RASSF3: variants seen among roughly 807,000 people sequenced by gnomAD.
RASSF3 encodes the protein ras association domain-containing protein 3.
In RASSF3, 19 loss-of-function variants were observed where a neutral mutation model predicts 19.9. The observed-to-expected ratio is 0.96, with a 90% CI of 0.67 to 1.40. The LOEUF (loss-of-function observed/expected upper bound fraction) is 1.40, where lower values mean the gene tolerates loss of function less well. RASSF3 is among the 40% of genes most tolerant of loss of function. RASSF3 has a pLI of 0.00. For missense variants in RASSF3, 306 were observed against 289.8 expected, an observed-to-expected ratio of 1.06 and a Z score of -0.41; for synonymous variants, 110 against 104.2, an observed-to-expected ratio of 1.06 and a Z score of -0.34.
chr12:64,650,707 G>A (rs1161097927), intron 1 of RASSF3, among the ~76,000 whole-genome samples: 1 of 152,014 alleles, frequency 6.6e-6, no homozygotes, highest in Admixed American at 6.6e-5. Context: ...GAGCCACCGC[G>A]CCTGGCCGAG....
At chr12:64,675,741 G>A (rs146588213) in intron 1 of RASSF3, among the ~76,000 whole-genome samples, 246 of 152,214 alleles carry the variant, frequency 1.6e-3, no homozygotes, top group African/African-American at 5.7e-3. Context: ...AGGGGATGGG[G>A]AGAGGCTGTT....
At chr12:64,667,485 C>T (rs1245185) in intron 1 of RASSF3, among the ~76,000 whole-genome samples, 43,453 of 152,094 alleles carry the variant, frequency 0.29, 6,754 homozygotes, top group Non-Finnish European at 0.36. Context: ...AGCCACTGCG[C>T]CCGGCCTATT....
chr12:64,617,073 C>G (rs1870578327), intron 1 of RASSF3, among the ~76,000 whole-genome samples: 1 of 152,150 alleles, frequency 6.6e-6, no homozygotes, highest in Non-Finnish European at 1.5e-5. Flanking sequence ...CAAATGAAAG[C>G]CTGCTCATTT....
chr12:64,642,559 CAAAAAAAAAAAAAA>C (rs67771603), intron 1 of RASSF3, among the ~76,000 whole-genome samples: 6 of 43,992 alleles, frequency 1.4e-4, no homozygotes, highest in South Asian at 2.8e-3. Context: ...GACTCCATCT[CAAAAAAAAAAAAAA>C]AAAAAAAAAA....
chr12:64,590,743 G>A (rs1282784880), intron 2 of RASSF3, among the ~76,000 whole-genome samples: 1 of 152,126 alleles, frequency 6.6e-6, no homozygotes, highest in African/African-American at 2.4e-5. Flanking sequence ...CCAGTTGGCT[G>A]ATAGGAAACC....
intron 2 of RASSF3, among the ~76,000 whole-genome samples, chr12:64,594,898 C>T (rs1869975511): frequency 6.6e-6 from 1 of 151,750 alleles, no homozygotes; most frequent in Non-Finnish European, 1.5e-5. Context: ...TAGGCAGGTA[C>T]CACCGTGTTT....
At chr12:64,569,961 G>T (rs1252319389) in intron 2 of RASSF3, among the ~76,000 whole-genome samples, 2 of 152,154 alleles carry the variant, frequency 1.3e-5, no homozygotes, top group Non-Finnish European at 2.9e-5. Flanking sequence ...GTGAAACTCT[G>T]TCTCAAAACA....
upstream of RASSF3, among the ~76,000 whole-genome samples, chr12:64,609,189 T>G (rs6581580): frequency 0.44 from 67,356 of 151,624 alleles, 15,480 homozygotes; most frequent in African/African-American, 0.53. Context: ...GGCTGACCGA[T>G]ACCAAGCAGA....
At chr12:64,565,814 C>T (rs1034723364) in intron 2 of RASSF3, among the ~76,000 whole-genome samples, 1 of 147,378 alleles carries the variant, frequency 6.8e-6, no homozygotes, top group African/African-American at 2.5e-5. Flanking sequence ...TACCTGGAGG[C>T]GGAGGTTGCA....
chr12:64,619,863 C>T (rs530800855), intron 1 of RASSF3, among the ~76,000 whole-genome samples: 51 of 151,944 alleles, frequency 3.4e-4, no homozygotes, highest in East Asian at 3.3e-3. Context: ...GCCTGTACTC[C>T]CAGCTACTCG....
intron 2 of RASSF3, among the ~76,000 whole-genome samples, chr12:64,552,877 C>G (rs921102990): frequency 2.6e-5 from 4 of 151,728 alleles, no homozygotes; most frequent in Admixed American, 2.6e-4. Context: ...AGTGCAATGG[C>G]GCAATCTCTG....
At chr12:64,546,700 G>T (rs1869069663), downstream of RASSF3, among the ~76,000 whole-genome samples, 1 of 152,168 alleles carries the variant, frequency 6.6e-6, no homozygotes, top group African/African-American at 2.4e-5. Context: ...GTCATTAACA[G>T]AATTCTAAAT....
intron 2 of RASSF3, among the ~76,000 whole-genome samples, chr12:64,599,931 C>G (rs528846410): frequency 1.3e-5 from 2 of 148,344 alleles, no homozygotes; most frequent in African/African-American, 5.0e-5. Context: ...CCTCGGGAGG[C>G]TGAGGAAGGA....
intron 2 of RASSF3, among the ~76,000 whole-genome samples, chr12:64,553,842 T>A (rs1869205990): frequency 6.6e-6 from 1 of 152,000 alleles, no homozygotes; most frequent in South Asian, 2.1e-4. Context: ...CCAGGCATGG[T>A]GGCATGTACT....
At chr12:64,543,229 G>A (rs963291912), downstream of RASSF3, among the ~76,000 whole-genome samples, 2 of 147,082 alleles carry the variant, frequency 1.4e-5, no homozygotes, top group Admixed American at 6.7e-5. Flanking sequence ...CACTTGGAGT[G>A]GCCGGCCGGC....
intron 3 of RASSF3, among the ~76,000 whole-genome samples, chr12:64,688,919 C>G (rs953251145): frequency 6.6e-6 from 1 of 152,146 alleles, no homozygotes; most frequent in African/African-American, 2.4e-5. Context: ...CACATTTCAG[C>G]GTACTGATGG....
chr12:64,647,304 C>T (rs776108654), intron 1 of RASSF3, among the ~76,000 whole-genome samples: 1 of 151,770 alleles, frequency 6.6e-6, no homozygotes, highest in African/African-American at 2.4e-5. Flanking sequence ...ACTGGAGTGC[C>T]GTGGCACGAT....
intron 2 of RASSF3, among the ~76,000 whole-genome samples, chr12:64,556,582 G>A (rs890649598): frequency 6.6e-6 from 1 of 152,106 alleles, no homozygotes; most frequent in Non-Finnish European, 1.5e-5. Context: ...CCTGTAGGAA[G>A]TGTGGTCTTC....
At chr12:64,657,597 G>A (rs973451083) in intron 1 of RASSF3, among the ~76,000 whole-genome samples, 5 of 152,212 alleles carry the variant, frequency 3.3e-5, no homozygotes, top group African/African-American at 1.2e-4. Context: ...TGAGGAGGAT[G>A]ATGAGGATGC....
Sources: gnomAD v4.1 joint callset for allele counts (sites outside exome capture counted in the v4.1 genomes callset) on GRCh38, gnomAD v4.1.1 for gene constraint, MANE v1.5 for transcripts, NCBI Gene and HGNC (gene_info 2026-07-23, HGNC 2026-07-21) for gene names.